RYR2: variants seen among roughly 807,000 people sequenced by gnomAD.
The protein encoded by RYR2 is ryanodine receptor 2.
Under a neutral mutation model 601.1 loss-of-function variants are expected in RYR2, and 227 were observed. The ratio of observed to expected loss-of-function variants is 0.38; its 90% CI spans 0.34 to 0.42. RYR2 has a LOEUF of 0.42. RYR2 is among the 10% of genes least tolerant of loss of function. The pLI is 1.00. For missense variants in RYR2, 4,646 were observed against 6,156.5 expected (o/e 0.75, Z 8.21); for synonymous variants, 2,223 against 2,175.1 (o/e 1.02, Z -0.61).
chr1:237,695,444 C>G (rs976701116), intron 63 of RYR2, among the ~76,000 whole-genome samples: 11 of 152,062 alleles, frequency 7.2e-5, no homozygotes, highest in African/African-American at 2.7e-4. Context: ...ATAGCTGGGT[C>G]CTTGAAATAC....
intron 1 of RYR2, among the ~76,000 whole-genome samples, chr1:237,161,623 G>T (rs1676028563): frequency 6.6e-6 from 1 of 152,010 alleles, no homozygotes; most frequent in South Asian, 2.1e-4. Flanking sequence ...CATACTAGAA[G>T]ACAGCAGTTA....
At chr1:237,519,923 T>G (rs1666926908) in intron 24 of RYR2, among the ~76,000 whole-genome samples, 1 of 141,506 alleles carries the variant, frequency 7.1e-6, no homozygotes, top group South Asian at 2.5e-4. Context: ...ATGGGCTGTT[T>G]TTGTGTTTGT....
chr1:237,511,537 C>T (rs1023057156), intron 23 of RYR2, 151 bp from the exon 24 acceptor site: 23 of 593,300 alleles, frequency 3.9e-5, no homozygotes, highest in Non-Finnish European at 4.7e-5. Flanking sequence ...ATACTCACTG[C>T]GCCTGAGAGG....
chr1:237,149,996 C>G (rs1444104383), intron 1 of RYR2, among the ~76,000 whole-genome samples: 1 of 152,196 alleles, frequency 6.6e-6, no homozygotes, highest in Non-Finnish European at 1.5e-5. Context: ...GTAACTGCTA[C>G]TGCTGTTGTA....
chr1:237,473,477 C>CTTTCTTTCTTTCTTTCTTTCT (rs1553464755), intron 17 of RYR2, among the ~76,000 whole-genome samples: 13 of 145,540 alleles, frequency 8.9e-5, no homozygotes, highest in Admixed American at 2.1e-4. Context: ...ATCTATCTAT[C>CTTTCTTTCTTTCTTTCTTTCT]TGGCATATAT....
chr1:237,134,627 G>T (rs1571964774), intron 1 of RYR2, among the ~76,000 whole-genome samples: 1 of 152,162 alleles, frequency 6.6e-6, no homozygotes, highest in Non-Finnish European at 1.5e-5. Flanking sequence ...TTTGGGTGGG[G>T]ACACAGCCAA....
chr1:237,749,250 A>G (rs1692339030), intron 80 of RYR2, among the ~76,000 whole-genome samples: 2 of 152,304 alleles, frequency 1.3e-5, no homozygotes, highest in East Asian at 1.9e-4. Flanking sequence ...ACTCAGATGG[A>G]CTTCCTGTGT....
chr1:237,786,712 A>G (rs1038077088), intron 91 of RYR2, among the ~76,000 whole-genome samples: 1 of 152,244 alleles, frequency 6.6e-6, no homozygotes, highest in Admixed American at 6.5e-5. Flanking sequence ...CTCCACGTTT[A>G]TAGAATTTTA....
At chr1:237,773,708 A>G in intron 87 of RYR2, 60 bp downstream of exon 87, 1 of 1,433,424 alleles carries the variant, frequency 7.0e-7, no homozygotes, top group Non-Finnish European at 9.6e-7. Context: ...AATGCAGTAT[A>G]TCTAGAGTAG....
intron 1 of RYR2, among the ~76,000 whole-genome samples, chr1:237,061,714 C>G (rs545653613): frequency 6.6e-6 from 1 of 152,114 alleles, no homozygotes; most frequent in Admixed American, 6.5e-5. Flanking sequence ...GCTTTTCCCC[C>G]CTCTGTTACT....
At chr1:237,622,502 T>A (rs988198082) in intron 38 of RYR2, among the ~76,000 whole-genome samples, 5 of 152,192 alleles carry the variant, frequency 3.3e-5, no homozygotes, top group Admixed American at 1.3e-4. Flanking sequence ...GAAACATAGA[T>A]GAATTTCATT....
intron 1 of RYR2, among the ~76,000 whole-genome samples, chr1:237,258,847 G>A (rs908133071): frequency 1.3e-5 from 2 of 152,112 alleles, no homozygotes; most frequent in African/African-American, 4.8e-5. Flanking sequence ...CTGATTTAGT[G>A]TATTAAAGAT....
intron 12 of RYR2, among the ~76,000 whole-genome samples, chr1:237,426,834 G>C (rs1706208802): frequency 6.6e-6 from 1 of 152,158 alleles, no homozygotes; most frequent in South Asian, 2.1e-4. Flanking sequence ...CTATGATCAT[G>C]CCCACTGCAT....
In RYR2 at chr1:237,180,916, T is replaced by C. The variant is rs768267449; in HGVS notation, c.49-89581T>C. 2.7e-5 allele frequency among the ~76,000 whole-genome samples: 4 copies of C among 149,992 alleles called. No individual in the cohort carries two copies. The highest frequency in any genetic ancestry group is 4.4e-5 in the Non-Finnish European group (3 of 67,626). On this transcript the variant is annotated intron_variant, in intron 1 of 104. Transcript: ENST00000366574. This position sits in a 1 kb window ranked among gnomAD's most constrained non-coding sequence, Gnocchi z 5.3. ...AACAATAAATATATAACTAATAATA[T>C]ACTAATTAATAAAAATTGCTAACCC...
Position 237,651,513 on chromosome 1 carries a change from A to G in RYR2, c.7824+12A>G. Reference sequence around the variant, plus strand: ...AGATGCCTCTTAAAGTAAGTATAGGAAATGTTTGTAGATATTTGATTACTG... The same window carrying G: ...AGATGCCTCTTAAAGTAAGTATAGGGAATGTTTGTAGATATTTGATTACTG... On this transcript the variant is annotated intron_variant, in intron 51 of 104. Transcript: ENST00000366574. 1 of 1,476,348 alleles carries G rather than the reference A, an allele frequency of 6.8e-7. No homozygotes were observed. The highest frequency in any genetic ancestry group is 9.3e-7 in the Non-Finnish European group (1 of 1,075,318). 91.5% of individuals were successfully genotyped at this position (1,476,348 alleles called of 1,614,324 possible). A position where few individuals can be genotyped will look rare whatever the true frequency, so the allele number is the denominator to read the frequency against.
At chr1:237,808,391 T>C (rs1396830230) in intron 99 of RYR2, among the ~76,000 whole-genome samples, 2 of 152,134 alleles carry the variant, frequency 1.3e-5, no homozygotes, top group African/African-American at 2.4e-5. Context: ...CCGGGCACGG[T>C]GGCTCACGCC....
chr1:237,123,084 A>T (rs905054912), intron 1 of RYR2, among the ~76,000 whole-genome samples: 1 of 152,210 alleles, frequency 6.6e-6, no homozygotes, highest in African/African-American at 2.4e-5. Context: ...GTATTAAACC[A>T]TGTGCTCCTG....
At chr1:237,778,903 C>A in intron 88 of RYR2, 133 bp downstream of exon 88, 1 of 508,246 alleles carries the variant, frequency 2.0e-6, no homozygotes, top group South Asian at 3.5e-5. Context: ...TTTTTAAGAT[C>A]ATTTTATCAT....
At chr1:237,129,030 CT>C (rs1558287191) in intron 1 of RYR2, among the ~76,000 whole-genome samples, 1 of 152,146 alleles carries the variant, frequency 6.6e-6, no homozygotes, top group African/African-American at 2.4e-5. Context: ...TATATTTTGA[CT>C]TGTTAAGTTT....
Sources: allele counts gnomAD v4.1 joint callset (sites outside exome capture counted in the v4.1 genomes callset), GRCh38; gene constraint gnomAD v4.1.1; non-coding constraint Gnocchi (gnomAD v3.1); transcripts MANE v1.5; gene names NCBI Gene and HGNC (gene_info 2026-07-23, HGNC 2026-07-21).